Variants in OTUD7A observed in about 807,000 individuals in gnomAD.
OTUD7A encodes OTU deubiquitinase 7A, also known as OTU domain-containing protein 7A.
Under a neutral mutation model 65.7 loss-of-function variants are expected in OTUD7A, and 12 were observed. The observed-to-expected ratio is 0.18, with a 90% CI of 0.12 to 0.30. The LOEUF (loss-of-function observed/expected upper bound fraction) is 0.30, where lower values mean the gene tolerates loss of function less well. OTUD7A is among the 10% of genes least tolerant of loss of function. OTUD7A has a pLI of 1.00. For missense variants in OTUD7A, 1,148 were observed against 1,304.8 expected, an observed-to-expected ratio of 0.88 and a Z score of 1.85; for synonymous variants, 641 against 586.3, an observed-to-expected ratio of 1.09 and a Z score of -1.35.
chr15:31,545,844 C>G (rs942359271), intron 5 of OTUD7A, among the ~76,000 whole-genome samples: 4 of 152,130 alleles, frequency 2.6e-5, no homozygotes, highest in African/African-American at 9.7e-5. Context: ...TATGTAAATC[C>G]TATGATCCAG....
chr15:31,693,587 C>CTCAAAGCCCCCAA (rs1340271579), intron 1 of OTUD7A, among the ~76,000 whole-genome samples: 1 of 152,090 alleles, frequency 6.6e-6, no homozygotes, highest in African/African-American at 2.4e-5. Flanking sequence ...ACACACCCTT[C>CTCAAAGCCCCCAA]TCAAAGCCCC....
chr15:31,639,877 T>G (rs2141260530), intron 3 of OTUD7A, among the ~76,000 whole-genome samples: 1 of 152,322 alleles, frequency 6.6e-6, no homozygotes, highest in Non-Finnish European at 1.5e-5. Flanking sequence ...CAAAAATAAT[T>G]GAGTCATGAG....
At chr15:31,553,408 C>T (rs1312771388) in intron 5 of OTUD7A, among the ~76,000 whole-genome samples, 3 of 152,126 alleles carry the variant, frequency 2.0e-5, no homozygotes, top group Admixed American at 6.5e-5. Context: ...GAGGGTCCTA[C>T]GAGGAGCTCA....
At chr15:31,520,834 T>A (rs1019219185) in intron 8 of OTUD7A, among the ~76,000 whole-genome samples, 14 of 152,334 alleles carry the variant, frequency 9.2e-5, no homozygotes, top group Middle Eastern at 6.8e-3. Flanking sequence ...GATACCTGCA[T>A]GTTTACTCTA....
chr15:31,590,771 T>C (rs1269626815), intron 3 of OTUD7A, among the ~76,000 whole-genome samples: 1 of 152,180 alleles, frequency 6.6e-6, no homozygotes, highest in African/African-American at 2.4e-5. Flanking sequence ...AGCGTTTTCA[T>C]GGCAGCTGAA....
intron 1 of OTUD7A, among the ~76,000 whole-genome samples, chr15:31,813,878 T>TA (rs1896483222): frequency 6.6e-6 from 1 of 151,980 alleles, no homozygotes; most frequent in Admixed American, 6.5e-5. Context: ...AGGCTCTACT[T>TA]ACGTTCACCT....
chr15:31,738,686 G>A (rs1894258221), intron 1 of OTUD7A, among the ~76,000 whole-genome samples: 1 of 152,174 alleles, frequency 6.6e-6, no homozygotes, highest in Non-Finnish European at 1.5e-5. Flanking sequence ...CTCCGCAAGT[G>A]CAGCCTGTTG....
At chr15:31,610,624 T>A (rs1220984137) in intron 3 of OTUD7A, among the ~76,000 whole-genome samples, 4 of 95,150 alleles carry the variant, frequency 4.2e-5, no homozygotes, top group African/African-American at 1.7e-4. Context: ...TATATTTTTT[T>A]TTTTTTTTTT....
intron 3 of OTUD7A, among the ~76,000 whole-genome samples, chr15:31,578,766 G>A (rs533278011): frequency 6.6e-6 from 1 of 152,260 alleles, no homozygotes; most frequent in South Asian, 2.1e-4. Context: ...TGGTCAGGCT[G>A]GTCTCAAACT....
At chr15:31,589,049 G>A (rs1444306045) in intron 3 of OTUD7A, among the ~76,000 whole-genome samples, 1 of 152,202 alleles carries the variant, frequency 6.6e-6, no homozygotes, top group South Asian at 2.1e-4. Flanking sequence ...ATGAGGCCTC[G>A]TAGCCTGCTT....
At chr15:31,653,259 A>G (rs1891893523) in intron 3 of OTUD7A, among the ~76,000 whole-genome samples, 1 of 151,870 alleles carries the variant, frequency 6.6e-6, no homozygotes, top group South Asian at 2.1e-4. Flanking sequence ...TGTCACCAAA[A>G]AAAAAAAAGA....
intron 1 of OTUD7A, among the ~76,000 whole-genome samples, chr15:31,723,613 G>C (rs1272827407): frequency 9.5e-6 from 1 of 105,040 alleles, no homozygotes; most frequent in Non-Finnish European, 1.9e-5. Flanking sequence ...TCACCAGAGA[G>C]AGCTAGTTCA....
At chr15:31,630,814 T>A (rs375470250) in intron 3 of OTUD7A, among the ~76,000 whole-genome samples, 1 of 152,274 alleles carries the variant, frequency 6.6e-6, no homozygotes, top group Non-Finnish European at 1.5e-5. Flanking sequence ...GCTCTTCTTG[T>A]TGAATTGATC....
chr15:31,630,255 C>T (rs201404642), intron 3 of OTUD7A, among the ~76,000 whole-genome samples: 41,368 of 146,018 alleles, frequency 0.28, 6,943 homozygotes, highest in African/African-American at 0.47. Context: ...CTCCACACAC[C>T]GCTTTGAATG....
At chr15:31,604,533 T>G (rs977791305) in intron 3 of OTUD7A, among the ~76,000 whole-genome samples, 2 of 147,780 alleles carry the variant, frequency 1.4e-5, no homozygotes, top group African/African-American at 2.5e-5. Context: ...CCATGGCACG[T>G]GTATACCTGT....
chr15:31,634,329 C>A (rs1319731362), intron 3 of OTUD7A, among the ~76,000 whole-genome samples: 1 of 152,202 alleles, frequency 6.6e-6, no homozygotes, highest in African/African-American at 2.4e-5. Context: ...AAAAGCCAGT[C>A]TATGGCAGTT....
intron 5 of OTUD7A, among the ~76,000 whole-genome samples, chr15:31,552,634 C>T (rs1888361419): frequency 1.3e-5 from 2 of 152,244 alleles, no homozygotes; most frequent in African/African-American, 4.8e-5. Context: ...GGGGGCTGCA[C>T]AGGAACCACA....
At chr15:31,614,209 C>T (rs1043687636) in intron 3 of OTUD7A, among the ~76,000 whole-genome samples, 1 of 152,008 alleles carries the variant, frequency 6.6e-6, no homozygotes, top group Non-Finnish European at 1.5e-5. Flanking sequence ...TATTACTGCT[C>T]AGGTGATGGG....
At chr15:31,590,037 G>A (rs930449774) in intron 3 of OTUD7A, among the ~76,000 whole-genome samples, 1 of 152,134 alleles carries the variant, frequency 6.6e-6, no homozygotes, top group Non-Finnish European at 1.5e-5. Context: ...ACACCATCAT[G>A]TGCTATATGA....
Sources: gnomAD v4.1 joint callset for allele counts (sites outside exome capture counted in the v4.1 genomes callset) on GRCh38, gnomAD v4.1.1 for gene constraint, MANE v1.5 for transcripts, NCBI Gene and HGNC (gene_info 2026-07-23, HGNC 2026-07-21) for gene names.